G3BP1: variants seen among roughly 807,000 people sequenced by gnomAD.
G3BP1 encodes the protein G3BP stress granule assembly factor 1, also known as ras GTPase-activating protein-binding protein 1.
Under a neutral mutation model 58.6 loss-of-function variants are expected in G3BP1, and 35 were observed. The observed-to-expected ratio is 0.60, with a 90% CI of 0.46 to 0.79. The LOEUF is 0.79. Ranked by LOEUF, G3BP1 falls within the 30% of genes least tolerant of loss-of-function variation. The probability of loss-of-function intolerance (pLI) is 0.00; values close to 1 mark genes in which losing one functional copy is unlikely to be tolerated. For missense variants in G3BP1, 523 were observed against 580.8 expected (o/e 0.90, Z 1.02); for synonymous variants, 191 against 195.4 (o/e 0.98, Z 0.19).
chr5:151,794,298 C>CA, intron 5 of G3BP1, 49 bp downstream of exon 5: 5 of 979,900 alleles, frequency 5.1e-6, no homozygotes, highest in Non-Finnish European at 8.3e-6. Context: ...TTTTTAATGG[C>CA]ATCCGATTGC....
At chr5:151,796,834 CTT>C (rs1762759479) in intron 6 of G3BP1, among the ~76,000 whole-genome samples, 1 of 152,000 alleles carries the variant, frequency 6.6e-6, no homozygotes, top group African/African-American at 2.4e-5. Context: ...TTGAAGATAA[CTT>C]TATATACCTT....
intron 4 of G3BP1, chr5:151,792,311 G>A: frequency 4.4e-6 from 1 of 226,378 alleles, no homozygotes; most frequent in Non-Finnish European, 9.0e-6. Flanking sequence ...TTTTAGGATA[G>A]CAAACCTGAA....
At chr5:151,792,549 T>A (rs72800298) in intron 4 of G3BP1, among the ~76,000 whole-genome samples, 221 of 152,366 alleles carry the variant, frequency 1.5e-3, no homozygotes, top group Non-Finnish European at 2.5e-3. Context: ...TATAATACAC[T>A]ATTATATAAA....
intron 1 of G3BP1, among the ~76,000 whole-genome samples, chr5:151,785,155 C>T (rs144491264): frequency 1.3e-3 from 201 of 152,286 alleles, no homozygotes; most frequent in Middle Eastern, 0.01. Flanking sequence ...GACCAGCCAA[C>T]TTTTAAAGTA....
intron 4 of G3BP1, chr5:151,791,949 C>T (rs1207126972): frequency 1.6e-5 from 6 of 377,686 alleles, no homozygotes; most frequent in Admixed American, 3.3e-5. Flanking sequence ...CCACCATGCC[C>T]AGCCTTATTT....
In G3BP1 at chr5:151,805,104, C is replaced by CTTT. The variant is rs1481914287; in HGVS notation, c.*1014_*1015insTTT. ...GATGCTTCTATAGAGGTTCTTTGAC[C>CTTT]TAAATAGTTCAGCATTTGTATTTTT... On this transcript the variant is annotated 3_prime_UTR_variant, in exon 12 of 12. Transcript: ENST00000356245. 1 of 152,538 alleles carries CTTT rather than the reference C, an allele frequency of 6.6e-6. No individual in the cohort carries two copies. Among genetic ancestry groups the CTTT allele is most frequent in the Non-Finnish European group, 1.5e-5 (1 of 68,014 alleles). The allele number at this position is 152,538 out of a possible 1,614,324, so 9.4% of individuals were successfully genotyped here.
intron 2 of G3BP1, among the ~76,000 whole-genome samples, chr5:151,789,964 T>C (rs1762621352): frequency 6.6e-6 from 1 of 152,012 alleles, no homozygotes; most frequent in African/African-American, 2.4e-5. Context: ...TTGCTTGAGT[T>C]TGAGTTCGAG....
At position 151,801,871 on chromosome 5, in the gene G3BP1, A is replaced by G. The variant is rs566690409; in HGVS notation, c.1194+1002A>G. 2.3e-4 allele frequency among the ~76,000 whole-genome samples: 35 copies of G among 151,816 alleles called. 1 individual carries two copies. The highest frequency in any genetic ancestry group is 7.3e-4 in the African/African-American group (30 of 41,374). ...TCTCTGCCACCCAGGCTGGAGTGCA[A>G]TGGTGTGATCTTGGCTCACTGCAAC... On this transcript the variant is annotated intron_variant, in intron 11 of 11. Transcript: ENST00000356245.
chr5:151,793,776 T>C (rs1022122203), intron 4 of G3BP1, among the ~76,000 whole-genome samples: 8 of 146,356 alleles, frequency 5.5e-5, no homozygotes, highest in African/African-American at 2.0e-4. Context: ...GAGGACCACT[T>C]GAGCCCAGGA....
rs1762933245 is a variant in G3BP1 at position 151,805,954 on chromosome 5, A to G, written c.*1863A>G. The G allele has an allele frequency of 6.6e-6, 1 of 152,218 alleles. No homozygotes were observed. Among genetic ancestry groups the G allele is most frequent in the Non-Finnish European group, 1.5e-5 (1 of 68,038 alleles). 9.4% of individuals were successfully genotyped at this position (152,218 alleles called of 1,614,324 possible). A position where few individuals can be genotyped will look rare whatever the true frequency, so the allele number is the denominator to read the frequency against. ...AATACTAAATTATACATTTCAAAAC[A>G]GAAGTTCTTCCTACTTGGAGACTTA... On this transcript the variant is annotated 3_prime_UTR_variant, in exon 12 of 12. Transcript: ENST00000356245.
In G3BP1 at chr5:151,791,496, G is replaced by GT. The variant is rs556095680; in HGVS notation, c.351+443dup. ...ATCTGCACTTGTTCCTTAATCTTTT[G>GT]TTTTTTTTTATTGCATTGACATTTT... On this transcript the variant is annotated intron_variant, in intron 4 of 11. Transcript: ENST00000356245. The GT allele has an allele frequency of 2.3e-3, 360 of 154,900 alleles. 1 individual carries two copies. The highest frequency in any genetic ancestry group is 6.1e-3 in the Admixed American group (99 of 16,182). The allele number at this position is 154,900 out of a possible 1,614,324, so 9.6% of individuals were successfully genotyped here. A position where few individuals can be genotyped will look rare whatever the true frequency, so the allele number is the denominator to read the frequency against.
chr5:151,796,341 T>C (rs1581580891), intron 6 of G3BP1, among the ~76,000 whole-genome samples: 1 of 152,232 alleles, frequency 6.6e-6, no homozygotes, highest in African/African-American at 2.4e-5. Context: ...CGATCTTGGC[T>C]GACTGCAACC....
intron 1 of G3BP1, among the ~76,000 whole-genome samples, chr5:151,773,679 A>T (rs1024628394): frequency 6.6e-6 from 1 of 152,208 alleles, no homozygotes. Flanking sequence ...TGTTTCTATA[A>T]CAGTATTATA....
rs183116848 is a variant in G3BP1, at chr5:151,776,962, G to A, written c.-50+4926G>A. Among the ~76,000 whole-genome samples, 3 of 146,332 alleles carry A rather than the reference G, an allele frequency of 2.1e-5. No homozygotes were observed. In the Admixed American group the frequency reaches 2.1e-4, roughly 10 times the overall value. ...TCCCTATCTTATCTGTTTTTTAAAA[G>A]CATGTTTTTTCTTTCATTAATTACC... On this transcript the variant is annotated intron_variant, in intron 1 of 11. Transcript: ENST00000356245.
At chr5:151,779,641 A>T (rs1762433965) in intron 1 of G3BP1, among the ~76,000 whole-genome samples, 1 of 152,150 alleles carries the variant, frequency 6.6e-6, no homozygotes, top group Admixed American at 6.5e-5. Context: ...CTTTTTAATA[A>T]TGTTTTTGAG....
At chr5:151,796,814 A>G (rs745962210) in intron 6 of G3BP1, among the ~76,000 whole-genome samples, 8 of 152,282 alleles carry the variant, frequency 5.3e-5, no homozygotes, top group Middle Eastern at 3.4e-3. Flanking sequence ...TTTTCACCTT[A>G]CAACTTTTAT....
Position 151,803,916 on chromosome 5 carries a change from A to G in G3BP1, c.1226A>G (p.Asn409Ser). 1 of 1,613,948 alleles carries G rather than the reference A, an allele frequency of 6.2e-7. No individual in the cohort carries two copies. The highest frequency in any genetic ancestry group is 8.5e-7 in the Non-Finnish European group (1 of 1,179,882). ...ATGTTCAGAGGTGAGGTCCGTCTGAATGTCGAAGAGAAGAAGACTCGAGCT... is the reference window on the plus strand; with the variant it reads ...ATGTTCAGAGGTGAGGTCCGTCTGAGTGTCGAAGAGAAGAAGACTCGAGCT... Reference protein sequence around the residue: ...PIMFRGEVRLNVEEKKTRAAR... With the variant: ...PIMFRGEVRLSVEEKKTRAAR... The change falls in exon 12 of 12, where the codon AAT (asparagine) becomes AGT (serine). Residue 409 changes from asparagine (N) to serine (S), a missense_variant. Around this residue, in one of 2 missense-constraint regions of G3BP1, gnomAD observed 125 missense variants for 181.7 expected, o/e 0.69. Transcript: ENST00000356245.
chr5:151,807,930 C>T lies in G3BP1; in HGVS notation c.*3839C>T, dbSNP rs1762961570. 1 of 152,152 alleles carries T rather than the reference C, an allele frequency of 6.6e-6. No individual in the cohort carries two copies. Among genetic ancestry groups the T allele is most frequent in the African/African-American group, 2.4e-5 (1 of 41,432 alleles). 9.4% of individuals were successfully genotyped at this position (152,152 alleles called of 1,614,324 possible). ...TTCTTTTTGTGCTACTTAAAGGAAT[C>T]TTTGCAATGCTGCATATAGATAATT... On this transcript the variant is annotated 3_prime_UTR_variant, in exon 12 of 12. Transcript: ENST00000356245.
At chr5:151,797,461 C>G in intron 7 of G3BP1, 33 bp downstream of exon 7, 4 of 1,560,296 alleles carry the variant, frequency 2.6e-6, no homozygotes, top group Non-Finnish European at 3.5e-6. Flanking sequence ...TATTCTATTC[C>G]TAGTTATTTT....
Sources: gnomAD v4.1 joint callset for allele counts (sites outside exome capture counted in the v4.1 genomes callset) on GRCh38, gnomAD v4.1.1 for gene constraint, gnomAD v4.1.1 regional missense constraint, MANE v1.5 for transcripts, NCBI Gene and HGNC (gene_info 2026-07-23, HGNC 2026-07-21) for gene names.